SNTG1: variants seen among roughly 807,000 people sequenced by gnomAD.
SNTG1 encodes the protein syntrophin gamma 1.
SNTG1 carries 39 observed loss-of-function variants against 74.7 expected under a neutral mutation model. The observed-to-expected ratio is 0.52, with a 90% CI of 0.40 to 0.68. The LOEUF is 0.68. SNTG1 is among the 30% of genes least tolerant of loss of function. The pLI, the probability that SNTG1 is intolerant of heterozygous loss-of-function variation, is 0.00. For missense variants in SNTG1, 685 were observed against 609.5 expected (o/e 1.12, Z -1.30); for synonymous variants, 254 against 217.1 (o/e 1.17, Z -1.49).
chr8:50,769,731 T>G (rs2095622546), intron 18 of SNTG1, among the ~76,000 whole-genome samples: 1 of 152,046 alleles, frequency 6.6e-6, no homozygotes, highest in Non-Finnish European at 1.5e-5. Flanking sequence ...AGATATTGGC[T>G]GACATATTAA....
chr8:50,693,975 T>G (rs1162346859), intron 15 of SNTG1, among the ~76,000 whole-genome samples: 1 of 152,034 alleles, frequency 6.6e-6, no homozygotes, highest in African/African-American at 2.4e-5. Flanking sequence ...TATAGGGAAG[T>G]TTATATCAAC....
chr8:50,736,441 T>A (rs2095528861), intron 17 of SNTG1, among the ~76,000 whole-genome samples: 1 of 151,894 alleles, frequency 6.6e-6, no homozygotes, highest in Non-Finnish European at 1.5e-5. Flanking sequence ...TTCTTAGAGA[T>A]GTACAAAGAA....
At chr8:50,300,248 A>G (rs10103929) in intron 2 of SNTG1, among the ~76,000 whole-genome samples, 10,503 of 152,136 alleles carry the variant, frequency 0.069, 834 homozygotes, top group African/African-American at 0.17. Flanking sequence ...ACCAGTTTGT[A>G]TACTTATTTG....
At chr8:50,594,365 C>G (rs1273032584) in intron 13 of SNTG1, among the ~76,000 whole-genome samples, 1 of 151,894 alleles carries the variant, frequency 6.6e-6, no homozygotes, top group Non-Finnish European at 1.5e-5. Flanking sequence ...CTATAATTAC[C>G]TGGGAGTAAC....
intron 8 of SNTG1, among the ~76,000 whole-genome samples, chr8:50,459,574 C>T (rs1321342766): frequency 6.6e-6 from 1 of 151,578 alleles, no homozygotes; most frequent in Admixed American, 6.6e-5. Flanking sequence ...AGGTTTTTTA[C>T]CTGGGTATAC....
intron 1 of SNTG1, among the ~76,000 whole-genome samples, chr8:50,105,147 G>A (rs746367892): frequency 3.9e-5 from 6 of 151,930 alleles, no homozygotes; most frequent in Admixed American, 2.0e-4. Flanking sequence ...ACTTTCCAGG[G>A]CTTTTATAGT....
At chr8:50,598,430 T>C (rs2094747135) in intron 13 of SNTG1, among the ~76,000 whole-genome samples, 2 of 152,002 alleles carry the variant, frequency 1.3e-5, no homozygotes, top group African/African-American at 2.4e-5. Context: ...TTCTGTTCCA[T>C]TGGTTTATGT....
intron 4 of SNTG1, among the ~76,000 whole-genome samples, chr8:50,407,656 G>GCCCA (rs2092896488): frequency 6.6e-6 from 1 of 152,134 alleles, no homozygotes; most frequent in Non-Finnish European, 1.5e-5. Flanking sequence ...AGCTCCTCTT[G>GCCCA]CCCACTTCAC....
intron 18 of SNTG1, among the ~76,000 whole-genome samples, chr8:50,768,322 C>T (rs1325059252): frequency 1.3e-5 from 2 of 151,758 alleles, no homozygotes; most frequent in Non-Finnish European, 1.5e-5. Context: ...CTTAAAGGGT[C>T]GCTCTAGAGA....
chr8:50,718,863 G>A (rs1354585684), intron 17 of SNTG1, among the ~76,000 whole-genome samples: 2 of 152,212 alleles, frequency 1.3e-5, no homozygotes, highest in African/African-American at 2.4e-5. Flanking sequence ...TTTATAAAGT[G>A]CTTAATCTCT....
At chr8:50,138,624 TCAA>T (rs1434034378) in intron 1 of SNTG1, among the ~76,000 whole-genome samples, 76 of 124,574 alleles carry the variant, frequency 6.1e-4, no homozygotes, top group African/African-American at 2.2e-3. Context: ...AAACTCTGTC[TCAA>T]CAATAATAAT....
At chr8:50,306,390 C>G (rs1453073612) in intron 2 of SNTG1, among the ~76,000 whole-genome samples, 1 of 151,880 alleles carries the variant, frequency 6.6e-6, no homozygotes, top group Admixed American at 6.6e-5. Flanking sequence ...ATAATAACTC[C>G]TTTTTCTTTG....
At chr8:50,656,760 CATCA>C (rs1157928002) in intron 13 of SNTG1, 145 bp from the exon 14 acceptor site, 4 of 554,180 alleles carry the variant, frequency 7.2e-6, no homozygotes, top group African/African-American at 2.0e-5. Context: ...TACTTTTTTG[CATCA>C]ATCAATTTGA....
At chr8:50,260,615 T>C (rs1322698768) in intron 2 of SNTG1, among the ~76,000 whole-genome samples, 1 of 151,290 alleles carries the variant, frequency 6.6e-6, no homozygotes, top group African/African-American at 2.4e-5. Context: ...CAGAATCAAA[T>C]ATGGGAGGAA....
At chr8:50,788,956 A>C (rs1208151055) in intron 18 of SNTG1, among the ~76,000 whole-genome samples, 1 of 152,004 alleles carries the variant, frequency 6.6e-6, no homozygotes, top group African/African-American at 2.4e-5. Context: ...CTCAGATTTG[A>C]TATCTCAACC....
chr8:49,991,030 G>T (rs559814587), intron 1 of SNTG1, among the ~76,000 whole-genome samples: 64 of 152,214 alleles, frequency 4.2e-4, no homozygotes, highest in African/African-American at 1.4e-3. Flanking sequence ...AAAAGTGTTG[G>T]CAAATTATGT....
At chr8:50,623,988 C>A (rs2094940441) in intron 13 of SNTG1, among the ~76,000 whole-genome samples, 1 of 151,598 alleles carries the variant, frequency 6.6e-6, no homozygotes, top group Non-Finnish European at 1.5e-5. Flanking sequence ...TGGAAGTAAT[C>A]CTCTATTAAT....
chr8:50,591,824 C>T (rs1354701589), intron 13 of SNTG1, among the ~76,000 whole-genome samples: 1 of 152,190 alleles, frequency 6.6e-6, no homozygotes, highest in African/African-American at 2.4e-5. Flanking sequence ...GAGGTCCCCT[C>T]CCTCCTACCT....
chr8:50,418,116 A>G (rs973359004), intron 4 of SNTG1, among the ~76,000 whole-genome samples: 10 of 152,136 alleles, frequency 6.6e-5, no homozygotes, highest in African/African-American at 2.4e-4. Context: ...CATCCACTGC[A>G]TTTCTCTGCT....
Sources: gnomAD v4.1 joint callset for allele counts (sites outside exome capture counted in the v4.1 genomes callset) on GRCh38, gnomAD v4.1.1 for gene constraint, MANE v1.5 for transcripts, NCBI Gene and HGNC (gene_info 2026-07-23, HGNC 2026-07-21) for gene names.